QTMAN: variants seen among roughly 807,000 people sequenced by gnomAD.
QTMAN encodes the protein tRNA-queuosine alpha-mannosyltransferase.
chr2:144,239,498 G>C, the QTMAN span, among the ~76,000 whole-genome samples: 40 of 152,240 alleles, frequency 2.6e-4, no homozygotes, highest in African/African-American at 9.6e-4. Flanking sequence ...TTTGACTGGT[G>C]GGGGGTGGGA....
At chr2:144,203,565 A>G in the QTMAN span, among the ~76,000 whole-genome samples, 1 of 152,106 alleles carries the variant, frequency 6.6e-6, no homozygotes, top group African/African-American at 2.4e-5. Flanking sequence ...TGAATGATAC[A>G]AAGACCTCAA....
the QTMAN span, chr2:143,951,908 ATGTTTT>A: frequency 1.3e-6 from 1 of 757,478 alleles, no homozygotes; most frequent in South Asian, 1.6e-5. Context: ...TGTTAATTAA[ATGTTTT>A]TTTTTAAGAT....
the QTMAN span, among the ~76,000 whole-genome samples, chr2:144,206,284 C>G: frequency 6.6e-6 from 1 of 152,048 alleles, no homozygotes; most frequent in Non-Finnish European, 1.5e-5. Context: ...ACTAAATATA[C>G]AAAAAGAGTA....
the QTMAN span, among the ~76,000 whole-genome samples, chr2:144,105,584 C>A: frequency 3.5e-3 from 538 of 152,212 alleles, 4 homozygotes; most frequent in Non-Finnish European, 6.3e-3. Flanking sequence ...AGCAAAGCCT[C>A]CAAGAAATAT....
At chr2:144,087,709 A>C in the QTMAN span, among the ~76,000 whole-genome samples, 7 of 152,168 alleles carry the variant, frequency 4.6e-5, no homozygotes, top group Non-Finnish European at 8.8e-5. Flanking sequence ...CTATATAATC[A>C]CCTCGACAGA....
At chr2:144,314,604 T>C in the QTMAN span, among the ~76,000 whole-genome samples, 1 of 152,024 alleles carries the variant, frequency 6.6e-6, no homozygotes, top group Non-Finnish European at 1.5e-5. Context: ...TCCCAGCTAC[T>C]CAGGAGGCTG....
At chr2:144,050,281 T>C in the QTMAN span, among the ~76,000 whole-genome samples, 2 of 151,924 alleles carry the variant, frequency 1.3e-5, no homozygotes, top group Non-Finnish European at 2.9e-5. Context: ...AAGAAAAATG[T>C]CCTATATGTT....
At chr2:143,974,476 T>C in the QTMAN span, among the ~76,000 whole-genome samples, 3 of 152,140 alleles carry the variant, frequency 2.0e-5, no homozygotes, top group African/African-American at 7.2e-5. Context: ...GACACACATA[T>C]ATGATGCAAT....
the QTMAN span, among the ~76,000 whole-genome samples, chr2:144,158,790 T>G: frequency 6.6e-6 from 1 of 152,092 alleles, no homozygotes; most frequent in Non-Finnish European, 1.5e-5. Context: ...TGTGTCCTCA[T>G]GCATATAGAG....
the QTMAN span, among the ~76,000 whole-genome samples, chr2:144,187,275 G>A: frequency 2.6e-5 from 4 of 152,186 alleles, no homozygotes; most frequent in Non-Finnish European, 5.9e-5. Context: ...GGCTTCTGGT[G>A]ACATAACATG....
At chr2:144,199,798 A>C in the QTMAN span, among the ~76,000 whole-genome samples, 5 of 152,318 alleles carry the variant, frequency 3.3e-5, no homozygotes, top group African/African-American at 1.2e-4. Flanking sequence ...TGTTCATGAC[A>C]TCATAAAACT....
the QTMAN span, among the ~76,000 whole-genome samples, chr2:144,263,161 T>C: frequency 6.6e-6 from 1 of 151,874 alleles, no homozygotes; most frequent in African/African-American, 2.4e-5. Context: ...CCCTTCCCTA[T>C]GTCCCTCTTT....
the QTMAN span, among the ~76,000 whole-genome samples, chr2:144,054,138 A>G: frequency 1.3e-5 from 2 of 152,162 alleles, no homozygotes; most frequent in African/African-American, 4.8e-5. Flanking sequence ...CAGTGAGCAG[A>G]GATTGAGCCA....
At chr2:144,217,595 C>G in the QTMAN span, among the ~76,000 whole-genome samples, 2 of 152,018 alleles carry the variant, frequency 1.3e-5, no homozygotes, top group Admixed American at 1.3e-4. Context: ...TAGTGAAATA[C>G]TTCAATTTTT....
the QTMAN span, among the ~76,000 whole-genome samples, chr2:144,118,812 C>T: frequency 6.6e-6 from 1 of 152,044 alleles, no homozygotes; most frequent in South Asian, 2.1e-4. Context: ...ACCTGGGAGG[C>T]GAAGCTTGCA....
At chr2:143,967,855 T>C in the QTMAN span, among the ~76,000 whole-genome samples, 2 of 152,186 alleles carry the variant, frequency 1.3e-5, no homozygotes, top group African/African-American at 2.4e-5. Context: ...GGCCTATTTG[T>C]TTCTCCACCT....
chr2:144,202,226 G>A, the QTMAN span, among the ~76,000 whole-genome samples: 1 of 152,144 alleles, frequency 6.6e-6, no homozygotes, highest in East Asian at 1.9e-4. Flanking sequence ...CTAAAGAAAG[G>A]ATAAGGAAAG....
the QTMAN span, among the ~76,000 whole-genome samples, chr2:143,985,760 A>C: frequency 6.6e-6 from 1 of 152,200 alleles, no homozygotes. Context: ...TATGTATTTA[A>C]GGAGCAGAAC....
the QTMAN span, chr2:144,235,731 G>C: frequency 6.6e-6 from 1 of 152,522 alleles, no homozygotes; most frequent in African/African-American, 2.4e-5. Flanking sequence ...GGCTAATGCA[G>C]AGATACCTGT....
Sources: gnomAD v4.1 joint callset for allele counts (sites outside exome capture counted in the v4.1 genomes callset) on GRCh38, gnomAD v4.1.1 for gene constraint, MANE v1.5 for transcripts, NCBI Gene and HGNC (gene_info 2026-07-23, HGNC 2026-07-21) for gene names.